The following PDGFRA variants were observed in gnomAD, a reference collection of about 807,000 sequenced individuals.
PDGFRA encodes the protein platelet-derived growth factor receptor alpha.
In PDGFRA, 25 loss-of-function variants were observed where a neutral mutation model predicts 121.5. That is an observed-to-expected ratio of 0.21 (90% CI 0.15 to 0.29). PDGFRA has a LOEUF of 0.29. Among genes scored for constraint, PDGFRA ranks in the 10% least tolerant of loss-of-function variants. PDGFRA has a pLI of 1.00. For synonymous variants in PDGFRA, 463 were observed against 494.8 expected (o/e 0.94, Z 0.85); for missense variants, 1,008 against 1,345.1 (o/e 0.75, Z 3.92).
At chr4:54,281,829 G>C in intron 16 of PDGFRA, 1 of 1,236,954 alleles carries the variant, frequency 8.1e-7, no homozygotes, top group Non-Finnish European at 1.0e-6. Flanking sequence ...AAGTGGACAA[G>C]TTACAAACAA....
intron 1 of PDGFRA, among the ~76,000 whole-genome samples, chr4:54,237,650 G>A (rs750419687): frequency 9.2e-5 from 14 of 152,220 alleles, no homozygotes; most frequent in Non-Finnish European, 1.2e-4. Flanking sequence ...GCCTGCCACC[G>A]CAGCAGTGTG....
At chr4:54,256,343 C>A (rs1722366016) in intron 1 of PDGFRA, among the ~76,000 whole-genome samples, 1 of 152,030 alleles carries the variant, frequency 6.6e-6, no homozygotes, top group Non-Finnish European at 1.5e-5. Context: ...TCAAGCGATT[C>A]TCCTGTCTCA....
In PDGFRA at chr4:54,270,853, G is replaced by A; in HGVS notation, c.1237+105G>A. On this transcript the variant is annotated intron_variant, in intron 8 of 22. Transcript: ENST00000257290. ...GTCATGGAAGAAAAGCAGCACTTAG[G>A]GGAGAAGCAGTGTCTGCATATGTCA... 4 of 726,608 alleles carry A rather than the reference G, an allele frequency of 5.5e-6. No homozygotes were observed. In the South Asian group the frequency reaches 5.8e-5, roughly 11 times the overall value. The allele number at this position is 726,608 out of a possible 1,614,324, so 45.0% of individuals were successfully genotyped here.
chr4:54,231,903 G>A (rs1319250845), intron 1 of PDGFRA, among the ~76,000 whole-genome samples: 1 of 152,254 alleles, frequency 6.6e-6, no homozygotes, highest in Non-Finnish European at 1.5e-5. Context: ...ACTGAGGAGG[G>A]ATGCAGGGGG....
intron 15 of PDGFRA, chr4:54,278,727 C>T (rs952313600): frequency 1.1e-5 from 7 of 662,252 alleles, no homozygotes; most frequent in African/African-American, 7.1e-5. Flanking sequence ...ATGGGAAGGC[C>T]TTGCTGATAG....
chr4:54,233,327 G>T (rs1401272898), intron 1 of PDGFRA, among the ~76,000 whole-genome samples: 4 of 152,206 alleles, frequency 2.6e-5, no homozygotes, highest in Non-Finnish European at 5.9e-5. Flanking sequence ...CCGGACAGTG[G>T]CGGGGGCTGG....
intron 2 of PDGFRA, 148 bp from the exon 3 acceptor site, chr4:54,260,947 G>A: frequency 1.5e-6 from 1 of 673,746 alleles, no homozygotes; most frequent in Non-Finnish European, 2.6e-6. Flanking sequence ...TGTTATAATG[G>A]GGGAGCTTTC....
rs1553904177 is a variant in PDGFRA at position 54,273,586 on chromosome 4, A to G, written c.1414A>G (p.Ile472Val). Residue 472 changes from isoleucine (I) to valine (V), a missense_variant, in exon 10 of 23, where the codon ATC (isoleucine) becomes GTC (valine). Transcript: ENST00000257290. ...TATTTTGGCCAACAATGTCTCAAAC[A>G]TCATCACGGAGATCCACTCCCGAGA... is the stretch of plus-strand genomic sequence containing the variant. ...WTILANNVSN[I>V]ITEIHSRDRS... The G allele has an allele frequency of 2.5e-6, 4 of 1,614,170 alleles. No homozygotes were observed. In the South Asian group the frequency reaches 3.3e-5, roughly 13 times the overall value.
chr4:54,253,250 G>A (rs1185448813), intron 1 of PDGFRA, among the ~76,000 whole-genome samples: 4 of 152,182 alleles, frequency 2.6e-5, no homozygotes, highest in Non-Finnish European at 5.9e-5. Flanking sequence ...TGCAGAAAAA[G>A]TAATGAAAAC....
intron 21 of PDGFRA, among the ~76,000 whole-genome samples, chr4:54,289,967 A>G (rs1213171553): frequency 2.6e-5 from 4 of 152,244 alleles, no homozygotes; most frequent in African/African-American, 7.2e-5. Flanking sequence ...TTTGGGTATT[A>G]TCCACCCAAT....
intron 22 of PDGFRA, among the ~76,000 whole-genome samples, chr4:54,293,603 G>A (rs1724737304): frequency 6.6e-6 from 1 of 151,862 alleles, no homozygotes; most frequent in Admixed American, 6.6e-5. Flanking sequence ...GCTAATTTTT[G>A]TATTTTTAGT....
At position 54,274,928 on chromosome 4, in the gene PDGFRA, C is replaced by T. The variant is rs1435627268; in HGVS notation, c.1741C>T (p.Pro581Ser). 6.2e-7 allele frequency: 1 copy of T among 1,613,966 alleles called. No individual in the cohort carries two copies. Among genetic ancestry groups the T allele is most frequent in the African/African-American group, 1.3e-5 (1 of 74,916 alleles). The change falls in exon 12 of 23, where the codon CCT becomes TCT. Residue 581 changes from proline to serine, a missense_variant. Physicochemically the swap from Pro to Ser is moderately conservative, Grantham distance 74. Around this residue, in one of 5 missense-constraint regions of PDGFRA, gnomAD observed 61 missense variants for 125.3 expected, o/e 0.49. Transcript: ENST00000257290. ...EYIYVDPMQL[P>S]YDSRWEFPRD... ...TATTTATGTGGACCCGATGCAGCTG[C>T]CTTATGACTCAAGATGGGAGTTTCC...
intron 1 of PDGFRA, among the ~76,000 whole-genome samples, chr4:54,245,966 A>G (rs1399283790): frequency 6.6e-6 from 1 of 152,130 alleles, no homozygotes; most frequent in Non-Finnish European, 1.5e-5. Flanking sequence ...AGAGACAAAG[A>G]AGGCCATTAC....
intron 1 of PDGFRA, among the ~76,000 whole-genome samples, chr4:54,242,290 A>C (rs562338320): frequency 1.3e-5 from 2 of 152,106 alleles, no homozygotes; most frequent in Non-Finnish European, 2.9e-5. Context: ...CCTTAAGGGT[A>C]ATGTTGGATC....
chr4:54,279,654 C>T (rs1256000609), intron 15 of PDGFRA, among the ~76,000 whole-genome samples: 1 of 152,074 alleles, frequency 6.6e-6, no homozygotes, highest in African/African-American at 2.4e-5. Context: ...GCACCCATCA[C>T]TGGAGCAGTA....
rs529666430 is a variant in PDGFRA at position 54,261,126 on chromosome 4, A to C, written c.81A>C (p.Leu27Phe). 6.2e-7 allele frequency: 1 copy of C among 1,614,090 alleles called. No homozygotes were observed. Among genetic ancestry groups the C allele is most frequent in the South Asian group, 1.1e-5 (1 of 91,082 alleles). The stretch of plus-strand genomic sequence containing the variant: ...GCCTAATCCTCTGCCAGCTTTCATT[A>C]CCCTCTATCCTTCCAAATGAAAATG... ...GLSLILCQLS[L>F]PSILPNENEK... The change falls in exon 3 of 23, where the codon TTA (leucine) becomes TTC (phenylalanine). Residue 27 changes from leucine (L) to phenylalanine (F), a missense_variant. This residue lies in a region of PDGFRA where 575 missense variants were observed against 701.8 expected (regional missense o/e 0.82). Coordinates refer to ENST00000257290, the MANE Select transcript of PDGFRA (RefSeq NM_006206.6).
chr4:54,288,963 C>T (rs113840201), intron 20 of PDGFRA, 46 bp from the exon 21 acceptor site: 11 of 1,505,722 alleles, frequency 7.3e-6, no homozygotes, highest in African/African-American at 4.1e-5. Context: ...GAGGGAGGGG[C>T]CCTGAGACTT....
chr4:54,252,893 T>G (rs1378418124), intron 1 of PDGFRA, among the ~76,000 whole-genome samples: 1 of 151,344 alleles, frequency 6.6e-6, no homozygotes, highest in Non-Finnish European at 1.5e-5. Context: ...ACACTACCTT[T>G]GCACATTGCC....
chr4:54,246,974 G>A (rs1236066560), intron 1 of PDGFRA, among the ~76,000 whole-genome samples: 9 of 152,158 alleles, frequency 5.9e-5, no homozygotes, highest in African/African-American at 1.9e-4. Context: ...TCTAGAAGAA[G>A]TGGATAAATT....
Sources: gnomAD v4.1 joint callset for allele counts (sites outside exome capture counted in the v4.1 genomes callset) on GRCh38, gnomAD v4.1.1 for gene constraint, gnomAD v4.1.1 regional missense constraint, MANE v1.5 for transcripts, NCBI Gene and HGNC (gene_info 2026-07-23, HGNC 2026-07-21) for gene names.